The following KLF12 variants were observed in gnomAD, a reference collection of about 807,000 sequenced individuals.
KLF12 encodes the protein Krueppel-like factor 12.
A neutral mutation model predicts 37.8 loss-of-function variants in KLF12; 9 were observed. That is an observed-to-expected ratio of 0.24 (90% confidence interval 0.14 to 0.42). The LOEUF is 0.42. KLF12 is among the 10% of genes least tolerant of loss of function. KLF12 has a pLI of 1.00. For synonymous variants in KLF12, 208 were observed against 202.1 expected, an observed-to-expected ratio of 1.03 and a Z score of -0.25; for missense variants, 411 against 516.0, an observed-to-expected ratio of 0.80 and a Z score of 1.97.
chr13:73,828,773 A>G (rs531684469), intron 4 of KLF12, among the ~76,000 whole-genome samples: 1 of 152,314 alleles, frequency 6.6e-6, no homozygotes, highest in Non-Finnish European at 1.5e-5. Flanking sequence ...AACTACATAC[A>G]TGAATACTGC....
intron 3 of KLF12, among the ~76,000 whole-genome samples, chr13:73,856,404 T>C (rs1885613074): frequency 6.6e-6 from 1 of 152,172 alleles, no homozygotes. Flanking sequence ...TGCTACAAGA[T>C]AGGAAGGTAC....
chr13:74,102,289 G>A (rs891341500), intron 1 of KLF12, among the ~76,000 whole-genome samples: 1 of 151,978 alleles, frequency 6.6e-6, no homozygotes, highest in African/African-American at 2.4e-5. Flanking sequence ...GGATATTGGT[G>A]TAATCTTAAC....
intron 1 of KLF12, among the ~76,000 whole-genome samples, chr13:74,064,210 A>G (rs1160659112): frequency 6.6e-6 from 1 of 152,166 alleles, no homozygotes; most frequent in Non-Finnish European, 1.5e-5. Context: ...ACCCCTCTCC[A>G]TCACCAAGAA....
At chr13:74,049,419 ACT>A (rs1471179025) in intron 1 of KLF12, among the ~76,000 whole-genome samples, 2 of 152,104 alleles carry the variant, frequency 1.3e-5, no homozygotes, top group Non-Finnish European at 2.9e-5. Context: ...CAGCCAGGTG[ACT>A]CTGCTGAGAA....
chr13:74,287,372 GA>G, the KLF12 span, among the ~76,000 whole-genome samples: 1 of 151,302 alleles, frequency 6.6e-6, no homozygotes, highest in Non-Finnish European at 1.5e-5. Context: ...GAGAGAGAGA[GA>G]GAGAGAGAGA....
intron 2 of KLF12, among the ~76,000 whole-genome samples, chr13:73,984,588 G>A (rs1467343991): frequency 6.6e-6 from 1 of 152,112 alleles, no homozygotes; most frequent in Non-Finnish European, 1.5e-5. Flanking sequence ...CCGACTGCTA[G>A]CCCTGGTGAT....
intron 1 of KLF12, among the ~76,000 whole-genome samples, chr13:74,072,233 T>C (rs1037944690): frequency 2.0e-5 from 3 of 151,538 alleles, no homozygotes; most frequent in African/African-American, 7.3e-5. Context: ...TAGCACTTAA[T>C]GGAGTGTCTG....
In KLF12 at chr13:73,733,664, A is replaced by AT. The variant is rs759208940; in HGVS notation, c.870-18140dup. 3.2e-4 allele frequency among the ~76,000 whole-genome samples: 49 copies of AT among 152,092 alleles called. 6 individuals carry two copies. Among genetic ancestry groups the AT allele is most frequent in the Admixed American group, 2.0e-3 (30 of 15,272 alleles). The stretch of plus-strand genomic sequence containing the variant: ...GTATCTGTTTGGGTCCCTGCTTCCA[A>AT]TTTTTTTATACCCAGAAATGGAATT... On this transcript the variant is annotated intron_variant, in intron 6 of 7. Coordinates refer to ENST00000377669, the MANE Select transcript of KLF12 (RefSeq NM_007249.5).
At chr13:73,738,764 C>A (rs1236101563) in intron 6 of KLF12, among the ~76,000 whole-genome samples, 1 of 152,136 alleles carries the variant, frequency 6.6e-6, no homozygotes, top group Non-Finnish European at 1.5e-5. Context: ...GATTTTCATA[C>A]AACTTCCACT....
chr13:74,001,426 T>G (rs777377361), intron 1 of KLF12, among the ~76,000 whole-genome samples: 14 of 152,224 alleles, frequency 9.2e-5, no homozygotes, highest in Non-Finnish European at 7.3e-5. Flanking sequence ...TAAGAATTTC[T>G]CTACTACTTC....
chr13:74,062,314 T>C (rs1463302929), intron 1 of KLF12, among the ~76,000 whole-genome samples: 2 of 152,198 alleles, frequency 1.3e-5, no homozygotes, highest in Non-Finnish European at 2.9e-5. Flanking sequence ...TCTATATTTG[T>C]CTCTATTTGG....
At chr13:73,979,235 T>C (rs1409146286) in intron 2 of KLF12, among the ~76,000 whole-genome samples, 1 of 152,184 alleles carries the variant, frequency 6.6e-6, no homozygotes, top group South Asian at 2.1e-4. Context: ...TGGTGGGGTA[T>C]GTTGATAATG....
At chr13:73,980,614 G>A (rs77308561) in intron 2 of KLF12, among the ~76,000 whole-genome samples, 3,887 of 152,140 alleles carry the variant, frequency 0.026, 163 homozygotes, top group African/African-American at 0.088. Context: ...AATCAATCCT[G>A]AATATCTACC....
intron 5 of KLF12, among the ~76,000 whole-genome samples, chr13:73,789,064 T>C (rs2138251809): frequency 6.6e-6 from 1 of 152,346 alleles, no homozygotes; most frequent in East Asian, 1.9e-4. Context: ...ATGACTTTTT[T>C]TTCATTTTCC....
intron 6 of KLF12, among the ~76,000 whole-genome samples, chr13:73,753,665 TAAA>T (rs68139735): frequency 7.8e-5 from 11 of 141,766 alleles, no homozygotes; most frequent in Non-Finnish European, 3.1e-5. Flanking sequence ...CTACCAAGTG[TAAA>T]AAAAAAAAAA....
At chr13:74,038,535 GA>G (rs1893317703) in intron 1 of KLF12, among the ~76,000 whole-genome samples, 1 of 152,002 alleles carries the variant, frequency 6.6e-6, no homozygotes, top group Non-Finnish European at 1.5e-5. Context: ...ATGAACACCT[GA>G]AGTTGATCCA....
chr13:73,717,023 T>C (rs139129503), intron 6 of KLF12, among the ~76,000 whole-genome samples: 58 of 152,322 alleles, frequency 3.8e-4, no homozygotes, highest in African/African-American at 1.1e-3. Context: ...ACTTTTGCTG[T>C]AAAGGGCTAG....
At chr13:74,100,377 G>T (rs1046667732) in intron 1 of KLF12, among the ~76,000 whole-genome samples, 4 of 152,110 alleles carry the variant, frequency 2.6e-5, no homozygotes, top group African/African-American at 9.7e-5. Context: ...TAGCACACTG[G>T]GAGGCCAAGG....
At position 73,688,571 on chromosome 13, in the gene KLF12, G is replaced by A. The variant is rs1873634023; in HGVS notation, c.*6919C>T. 1 of 152,184 alleles carries A rather than the reference G, an allele frequency of 6.6e-6. No individual in the cohort carries two copies. Among genetic ancestry groups the A allele is most frequent in the Non-Finnish European group, 1.5e-5 (1 of 68,022 alleles). The allele number at this position is 152,184 out of a possible 1,614,324, so 9.4% of individuals were successfully genotyped here. On this transcript the variant is annotated 3_prime_UTR_variant, in exon 8 of 8. Coordinates refer to ENST00000377669, the MANE Select transcript of KLF12 (RefSeq NM_007249.5). The stretch of plus-strand genomic sequence containing the variant: ...TGTACTCAGGCTAAAATGCTACTAA[G>A]TATTTGGATGATTTTGGAGCTCCAG...
Sources: gnomAD v4.1 joint callset for allele counts (sites outside exome capture counted in the v4.1 genomes callset) on GRCh38, gnomAD v4.1.1 for gene constraint, MANE v1.5 for transcripts, NCBI Gene and HGNC (gene_info 2026-07-23, HGNC 2026-07-21) for gene names.